RANBP9: variants seen among roughly 807,000 people sequenced by gnomAD.
RANBP9 encodes the protein RAN binding protein 9, also known as ran-binding protein 9.
Under a neutral mutation model 84.3 loss-of-function variants are expected in RANBP9, and 15 were observed. The observed-to-expected ratio is 0.18, with a 90% CI of 0.12 to 0.27. The LOEUF is 0.27. Ranked by LOEUF, RANBP9 falls within the 10% of genes least tolerant of loss-of-function variation. The pLI, the probability that RANBP9 is intolerant of heterozygous loss-of-function variation, is 1.00. For synonymous variants in RANBP9, 392 were observed against 349.6 expected, an observed-to-expected ratio of 1.12 and a Z score of -1.35; for missense variants, 809 against 912.8, an observed-to-expected ratio of 0.89 and a Z score of 1.46.
chr6:13,628,590 G>C (rs150660883), intron 12 of RANBP9, among the ~76,000 whole-genome samples: 2 of 152,204 alleles, frequency 1.3e-5, no homozygotes, highest in Non-Finnish European at 2.9e-5. Context: ...TGGAAGTAGA[G>C]TGAAGCTGTA....
chr6:13,688,785 A>G (rs1184951049), intron 2 of RANBP9, among the ~76,000 whole-genome samples: 1 of 151,828 alleles, frequency 6.6e-6, no homozygotes, highest in African/African-American at 2.4e-5. Context: ...GCAGACCGCC[A>G]TCACACACTT....
chr6:13,706,213 G>A (rs1758116123), intron 1 of RANBP9, among the ~76,000 whole-genome samples: 1 of 151,854 alleles, frequency 6.6e-6, no homozygotes, highest in South Asian at 2.1e-4. Context: ...GCGTCGCGGC[G>A]GGCACCTGTA....
chr6:13,632,763 A>G (rs1764825469), intron 11 of RANBP9: 2 of 358,234 alleles, frequency 5.6e-6, no homozygotes, highest in Admixed American at 8.7e-5. Flanking sequence ...ACAACCTTTC[A>G]GTGTTAGAGG....
chr6:13,701,896 A>G (rs1003503784), intron 1 of RANBP9, among the ~76,000 whole-genome samples: 1 of 152,202 alleles, frequency 6.6e-6, no homozygotes, highest in Admixed American at 6.5e-5. Context: ...CTATTATCAA[A>G]GAACAGTCTG....
chr6:13,706,561 C>T (rs1471385844), intron 1 of RANBP9, among the ~76,000 whole-genome samples: 1 of 150,716 alleles, frequency 6.6e-6, no homozygotes, highest in African/African-American at 2.4e-5. Flanking sequence ...GGCGTGGTGG[C>T]GCATGCCTGT....
In RANBP9 at chr6:13,682,249, T is replaced by C. The variant is rs189265401; in HGVS notation, c.683+14536A>G. On this transcript the variant is annotated intron_variant, in intron 2 of 13. Transcript: ENST00000011619. ...AAATTTAAAAATCAGTCCCTAAGAA[T>C]GGAAGATAATTTTAAGTAAGTGAAA... Among the ~76,000 whole-genome samples, 165 of 152,234 alleles carry C rather than the reference T, an allele frequency of 1.1e-3. 2 individuals carry two copies. Among genetic ancestry groups the C allele is most frequent in the African/African-American group, 3.8e-3 (158 of 41,548 alleles).
chr6:13,711,068 C>A lies in RANBP9; in HGVS notation c.438G>T (p.Glu146Asp). The change falls in exon 1 of 14, where the codon GAG (glutamate) becomes GAT (aspartate). Residue 146 changes from glutamate to aspartate, a missense_variant. Coordinates refer to ENST00000011619, the MANE Select transcript of RANBP9 (RefSeq NM_005493.3). ...AGAGACGCTTCAGCCGCCGCTGCAA[C>A]TCCTTCTCCTGCTCGTTCAGGGCCG... Reference protein sequence around the residue: ...GDSALNEQEKELQRRLKRLYP... With the variant: ...GDSALNEQEKDLQRRLKRLYP... 6.3e-7 allele frequency: 1 copy of A among 1,583,918 alleles called. No individual in the cohort carries two copies. Among genetic ancestry groups the A allele is most frequent in the African/African-American group, 1.3e-5 (1 of 74,256 alleles).
intron 2 of RANBP9, among the ~76,000 whole-genome samples, chr6:13,680,832 T>C (rs1766017978): frequency 6.6e-6 from 1 of 150,914 alleles, no homozygotes; most frequent in African/African-American, 2.4e-5. Context: ...ATATAATGAG[T>C]ATAATGGTCA....
intron 2 of RANBP9, among the ~76,000 whole-genome samples, chr6:13,685,355 T>C (rs1766147762): frequency 6.6e-6 from 1 of 152,202 alleles, no homozygotes; most frequent in Non-Finnish European, 1.5e-5. Context: ...CTTATAATTA[T>C]GTAAGAAACA....
chr6:13,632,377 A>G lies in RANBP9; in HGVS notation c.1940T>C (p.Met647Thr), dbSNP rs1554221484. The G allele has an allele frequency of 6.2e-7, 1 of 1,606,428 alleles. No homozygotes were observed. The highest frequency in any genetic ancestry group is 8.5e-7 in the Non-Finnish European group (1 of 1,177,652). ...AAGAAAAAATATATTCACCTTCAAC[A>G]TTTTTTTGTTTGCAGTGTTCTTGCC... ...DCGKNTANKK[M>T]LKDAFSLLAY... The change falls in exon 12 of 14, where the codon ATG becomes ACG. Residue 647 changes from methionine to threonine, a missense_variant. By Grantham distance (81) the Met-to-Thr change is moderately conservative. Coordinates refer to ENST00000011619, the MANE Select transcript of RANBP9 (RefSeq NM_005493.3).
At chr6:13,688,618 G>GT (rs1766245835) in intron 2 of RANBP9, among the ~76,000 whole-genome samples, 1 of 151,920 alleles carries the variant, frequency 6.6e-6, no homozygotes, top group Non-Finnish European at 1.5e-5. Context: ...TCTTAGCACA[G>GT]TATCTGGCAC....
At chr6:13,641,517 T>C (rs1216738753) in intron 7 of RANBP9, among the ~76,000 whole-genome samples, 1 of 100,760 alleles carries the variant, frequency 9.9e-6, no homozygotes, top group East Asian at 2.9e-4. Flanking sequence ...GGTCACAAAT[T>C]TTTTTTTTAA....
chr6:13,711,647 G>A lies in RANBP9; in HGVS notation c.-142C>T, dbSNP rs894536819. The A allele has an allele frequency of 2.6e-4, 185 of 721,354 alleles. No homozygotes were observed. The highest frequency in any genetic ancestry group is 2.5e-3 in the African/African-American group (131 of 53,074). The allele number at this position is 721,354 out of a possible 1,614,324, so 44.7% of individuals were successfully genotyped here. On this transcript the variant is annotated 5_prime_UTR_variant, in exon 1 of 14. Transcript: ENST00000011619. ...AGCAGGCGGCGGGCCGCGCGCCCAG[G>A]GAGACCGCGGCGGTTGAGGAGCTCG...
chr6:13,704,486 C>T (rs1421909712), intron 1 of RANBP9, among the ~76,000 whole-genome samples: 2 of 151,946 alleles, frequency 1.3e-5, no homozygotes, highest in Non-Finnish European at 2.9e-5. Flanking sequence ...AAAAAATTAG[C>T]TGGGAATGGT....
intron 2 of RANBP9, among the ~76,000 whole-genome samples, chr6:13,662,010 T>A (rs1167236138): frequency 6.6e-6 from 1 of 152,116 alleles, no homozygotes; most frequent in East Asian, 1.9e-4. Context: ...TAAGATATTT[T>A]AAGACACATA....
chr6:13,695,999 A>C (rs1271525448), intron 2 of RANBP9, among the ~76,000 whole-genome samples: 1 of 152,166 alleles, frequency 6.6e-6, no homozygotes, highest in Non-Finnish European at 1.5e-5. Flanking sequence ...GACTGCTTTA[A>C]GAGACCTCTG....
Position 13,637,924 on chromosome 6 carries a change from T to G in RANBP9, c.1557A>C (p.Ser519=). 1 of 1,609,378 alleles carries G rather than the reference T, an allele frequency of 6.2e-7. No individual in the cohort carries two copies. Among genetic ancestry groups the G allele is most frequent in the Non-Finnish European group, 8.5e-7 (1 of 1,177,476 alleles). Residue 519 remains serine, a synonymous_variant, in exon 10 of 14, where the codon TCA becomes TCC. Transcript: ENST00000011619. Reference sequence around the variant, plus strand: ...GGCAATATGATTGATGTGCTTTATTTGATATTACACCATTACTACAACTTT... The same window carrying G: ...GGCAATATGATTGATGTGCTTTATTGGATATTACACCATTACTACAACTTT... ...GFESCSNGVI[S]NKAHQSYCHS... is the part of the protein sequence containing the mutation.
chr6:13,627,630 C>CAAAAAAAAAAAAAAAAAAAAAAA (rs35401168), intron 12 of RANBP9, among the ~76,000 whole-genome samples: 2 of 66,406 alleles, frequency 3.0e-5, no homozygotes, highest in Admixed American at 1.7e-4. Context: ...ACTCCATCTC[C>CAAAAAAAAAAAAAAAAAAAAAAA]AAAAAAAAAA....
chr6:13,653,661 A>G (rs1765341297), intron 4 of RANBP9, among the ~76,000 whole-genome samples: 1 of 152,162 alleles, frequency 6.6e-6, no homozygotes, highest in African/African-American at 2.4e-5. Context: ...CTGTGCTGTA[A>G]TAACAGAAAA....
Sources: allele counts gnomAD v4.1 joint callset (sites outside exome capture counted in the v4.1 genomes callset), GRCh38; gene constraint gnomAD v4.1.1; transcripts MANE v1.5; gene names NCBI Gene and HGNC (gene_info 2026-07-23, HGNC 2026-07-21).